The following TTC28 variants were observed in gnomAD, a reference collection of about 807,000 sequenced individuals.
The protein encoded by TTC28 is tetratricopeptide repeat protein 28.
Under a neutral mutation model 198.0 loss-of-function variants are expected in TTC28, and 61 were observed. That is an observed-to-expected ratio of 0.31 (90% CI 0.25 to 0.38). The LOEUF (loss-of-function observed/expected upper bound fraction) is 0.38, where lower values mean the gene tolerates loss of function less well. Ranked by LOEUF, TTC28 falls within the 10% of genes least tolerant of loss-of-function variation. TTC28 has a pLI of 1.00. For synonymous variants in TTC28, 1,171 were observed against 1,297.8 expected (o/e 0.90, Z 2.10); for missense variants, 2,678 against 3,164.0 (o/e 0.85, Z 3.69).
intron 2 of TTC28, among the ~76,000 whole-genome samples, chr22:28,584,016 G>GTT (rs67108156): frequency 3.9e-4 from 52 of 132,988 alleles, no homozygotes; most frequent in African/African-American, 1.2e-3. Flanking sequence ...GTTTTGTTTT[G>GTT]TTTTTTTTTT....
At chr22:28,658,736 C>T (rs2051697797) in intron 1 of TTC28, among the ~76,000 whole-genome samples, 1 of 152,178 alleles carries the variant, frequency 6.6e-6, no homozygotes, top group South Asian at 2.1e-4. Context: ...GTGGCTCATG[C>T]CTGTAATGCC....
intron 2 of TTC28, among the ~76,000 whole-genome samples, chr22:28,337,291 T>C (rs1397357982): frequency 6.6e-6 from 1 of 152,200 alleles, no homozygotes; most frequent in African/African-American, 2.4e-5. Context: ...AGGTGTGGTG[T>C]GGTGCTGAAA....
intron 12 of TTC28, among the ~76,000 whole-genome samples, chr22:28,085,925 G>A (rs537305107): frequency 1.8e-4 from 27 of 152,184 alleles, no homozygotes; most frequent in South Asian, 8.3e-4. Flanking sequence ...AGGCCATTAC[G>A]TAATGGTAAA....
chr22:28,101,848 A>G (rs1306952160), intron 8 of TTC28, among the ~76,000 whole-genome samples: 1 of 151,716 alleles, frequency 6.6e-6, no homozygotes, highest in Non-Finnish European at 1.5e-5. Flanking sequence ...AATGAGGACA[A>G]GAGCTGAATC....
At chr22:28,465,083 CAT>C (rs2047999575) in intron 2 of TTC28, among the ~76,000 whole-genome samples, 1 of 152,158 alleles carries the variant, frequency 6.6e-6, no homozygotes, top group Admixed American at 6.5e-5. Context: ...TATAAAACAT[CAT>C]AGATTTACAT....
intron 2 of TTC28, among the ~76,000 whole-genome samples, chr22:28,359,032 A>T (rs1330111173): frequency 6.6e-6 from 1 of 152,180 alleles, no homozygotes; most frequent in African/African-American, 2.4e-5. Context: ...AACAAAATCA[A>T]TTCCTAAGAT....
At chr22:28,147,789 T>A (rs1056861665) in intron 6 of TTC28, among the ~76,000 whole-genome samples, 11 of 152,212 alleles carry the variant, frequency 7.2e-5, no homozygotes, top group African/African-American at 2.7e-4. Context: ...TCAATAAGTG[T>A]CATTCCTTTA....
chr22:28,178,566 G>A (rs900368265), intron 5 of TTC28, among the ~76,000 whole-genome samples: 2 of 152,114 alleles, frequency 1.3e-5, no homozygotes, highest in African/African-American at 4.8e-5. Flanking sequence ...AATGGAAACA[G>A]CATGAGCAAA....
At chr22:28,521,987 A>T (rs2048917705) in intron 2 of TTC28, among the ~76,000 whole-genome samples, 1 of 152,220 alleles carries the variant, frequency 6.6e-6, no homozygotes, top group Admixed American at 6.5e-5. Context: ...GCCTAGTAGA[A>T]GGAAAAAAGT....
At chr22:28,415,039 T>C (rs1276265387) in intron 2 of TTC28, among the ~76,000 whole-genome samples, 1 of 152,190 alleles carries the variant, frequency 6.6e-6, no homozygotes, top group Non-Finnish European at 1.5e-5. Context: ...GACAGGTTCT[T>C]ACCATCTAGC....
chr22:28,061,545 C>T (rs1297830742), intron 12 of TTC28, among the ~76,000 whole-genome samples: 2 of 152,032 alleles, frequency 1.3e-5, no homozygotes, highest in South Asian at 2.1e-4. Flanking sequence ...TGGCGTTATA[C>T]CTGAGGGCTC....
intron 5 of TTC28, among the ~76,000 whole-genome samples, chr22:28,246,451 T>C (rs1329029233): frequency 2.0e-5 from 3 of 152,210 alleles, no homozygotes; most frequent in African/African-American, 4.8e-5. Flanking sequence ...TCTGTGATTC[T>C]TTGAGAAGCT....
intron 6 of TTC28, among the ~76,000 whole-genome samples, chr22:28,146,823 TTG>T (rs1216008960): frequency 6.6e-6 from 1 of 152,128 alleles, no homozygotes; most frequent in Non-Finnish European, 1.5e-5. Flanking sequence ...TTTTTTTTTC[TTG>T]CCACTGGGCT....
chr22:28,255,957 T>C (rs1930880214), intron 5 of TTC28, among the ~76,000 whole-genome samples: 1 of 152,200 alleles, frequency 6.6e-6, no homozygotes, highest in South Asian at 2.1e-4. Context: ...TATAAAATGT[T>C]ATATATGTTT....
At chr22:27,994,886 G>A (rs540059980) in intron 17 of TTC28, among the ~76,000 whole-genome samples, 1 of 151,820 alleles carries the variant, frequency 6.6e-6, no homozygotes, top group South Asian at 2.1e-4. Flanking sequence ...GACGGGACCC[G>A]AGAACTGAAA....
chr22:28,204,323 G>A (rs1279612263), intron 5 of TTC28, among the ~76,000 whole-genome samples: 1 of 151,998 alleles, frequency 6.6e-6, no homozygotes, highest in African/African-American at 2.4e-5. Flanking sequence ...CAGAGAGTAG[G>A]GCAACCTGCT....
chr22:28,566,467 A>T (rs1337302879), intron 2 of TTC28, among the ~76,000 whole-genome samples: 1 of 152,206 alleles, frequency 6.6e-6, no homozygotes, highest in African/African-American at 2.4e-5. Flanking sequence ...GCCTACCACT[A>T]CTGTAACTGA....
At chr22:28,393,563 G>C (rs1217132052) in intron 2 of TTC28, among the ~76,000 whole-genome samples, 2 of 151,990 alleles carry the variant, frequency 1.3e-5, no homozygotes, top group Non-Finnish European at 2.9e-5. Flanking sequence ...GTATAGTGGT[G>C]CATGCCTTTA....
chr22:28,455,934 G>GGGATCA, intron 2 of TTC28, among the ~76,000 whole-genome samples: 1 of 151,924 alleles, frequency 6.6e-6, no homozygotes, highest in South Asian at 2.1e-4. Flanking sequence ...CTGAGGTGGG[G>GGGATCA]GGATCACAAG....
Sources: gnomAD v4.1 joint callset for allele counts (sites outside exome capture counted in the v4.1 genomes callset) on GRCh38, gnomAD v4.1.1 for gene constraint, MANE v1.5 for transcripts, NCBI Gene and HGNC (gene_info 2026-07-23, HGNC 2026-07-21) for gene names.